MYO1A: variants seen among roughly 807,000 people sequenced by gnomAD.
MYO1A encodes the protein unconventional myosin-Ia.
MYO1A carries 127 observed loss-of-function variants against 138.5 expected under a neutral mutation model. The ratio of observed to expected loss-of-function variants is 0.92; its 90% CI spans 0.79 to 1.06. The LOEUF is 1.06. MYO1A is among the 50% of genes least tolerant of loss of function. MYO1A has a pLI of 0.00. For missense variants in MYO1A, 1,211 were observed against 1,288.8 expected (o/e 0.94, Z 0.92); for synonymous variants, 477 against 497.5 (o/e 0.96, Z 0.55).
intron 22 of MYO1A, among the ~76,000 whole-genome samples, chr12:57,032,096 G>A (rs1393059735): frequency 1.3e-5 from 2 of 152,210 alleles, no homozygotes; most frequent in African/African-American, 4.8e-5. Context: ...GCCAACCTGG[G>A]AGATCAGCTC....
chr12:57,029,018 T>C, intron 27 of MYO1A, 114 bp downstream of exon 27: 1 of 1,598,426 alleles, frequency 6.3e-7, no homozygotes, highest in South Asian at 1.1e-5. Flanking sequence ...GAGAAACACC[T>C]CCAAGCCCCG....
chr12:57,046,460 C>T, intron 8 of MYO1A, 92 bp downstream of exon 8: 1 of 964,366 alleles, frequency 1.0e-6, no homozygotes, highest in East Asian at 2.4e-5. Context: ...GCTGTAGGGG[C>T]CCAGAGGGAA....
At position 57,048,053 on chromosome 12, in the gene MYO1A, T is replaced by C. The variant is rs1332428434; in HGVS notation, c.166A>G (p.Ile56Val). The part of the protein sequence containing the change: ...ISVNPYQQLP[I>V]YGPEFIAKYQ... ...TTGGCAATGAACTCTGGCCCATAGA[T>C]GGGAAGCTGTTGATAGGGATTCACT... is the stretch of plus-strand genomic sequence containing the variant. Residue 56 changes from isoleucine to valine, a missense_variant, in exon 3 of 28, where the codon ATC becomes GTC. Transcript: ENST00000300119. 6.2e-7 allele frequency: 1 copy of C among 1,614,036 alleles called. No individual in the cohort carries two copies. Among genetic ancestry groups the C allele is most frequent in the Non-Finnish European group, 8.5e-7 (1 of 1,180,030 alleles).
intron 8 of MYO1A, among the ~76,000 whole-genome samples, chr12:57,046,063 G>A (rs2031079938): frequency 6.6e-6 from 1 of 152,192 alleles, no homozygotes; most frequent in Admixed American, 6.5e-5. Flanking sequence ...ATGAGTGAAT[G>A]AATGAATGAA....
intron 1 of MYO1A, among the ~76,000 whole-genome samples, chr12:57,049,307 G>A (rs188384486): frequency 2.0e-5 from 3 of 152,324 alleles, no homozygotes; most frequent in Non-Finnish European, 4.4e-5. Context: ...CCAGGCACAG[G>A]ACAGGATTAT....
chr12:57,037,510 T>A, intron 19 of MYO1A, 38 bp downstream of exon 19: 1 of 1,589,682 alleles, frequency 6.3e-7, no homozygotes, highest in East Asian at 2.2e-5. Context: ...TCTTCCACCT[T>A]CTACCCTCAC....
rs368499959 is a variant in MYO1A, at chr12:57,037,604, A to T, written c.1999T>A (p.Ser667Thr). The T allele has an allele frequency of 5.6e-6, 9 of 1,614,008 alleles. No individual in the cohort carries two copies. The highest frequency in any genetic ancestry group is 7.6e-6 in the Non-Finnish European group (9 of 1,180,036). The change falls in exon 19 of 28, where the codon TCC becomes ACC. Residue 667 changes from serine to threonine, a missense_variant. Physicochemically the swap from Ser to Thr is moderately conservative, Grantham distance 58. Transcript: ENST00000300119. ...VEKVLGELSM[S>T]SGELAFGKTK... Reference sequence around the variant, plus strand: ...TTGCCAAAGGCCAGCTCCCCCGAGGACATGCTCAGCTCCCCCAGGACCTTC... The same window carrying T: ...TTGCCAAAGGCCAGCTCCCCCGAGGTCATGCTCAGCTCCCCCAGGACCTTC...
At chr12:57,043,771 A>G (rs1407968094) in intron 10 of MYO1A, 85 bp downstream of exon 10, 30 of 1,579,958 alleles carry the variant, frequency 1.9e-5, no homozygotes, top group Admixed American at 3.4e-5. Flanking sequence ...GGTGAGATCA[A>G]TTATGCTAGA....
chr12:57,045,090 A>C lies in MYO1A; in HGVS notation c.641-881T>G, dbSNP rs114977101. ...CACTGGTGAATCTATATCCCAGCCC[A>C]TATCATATGGGCTAGGTTTTGTTTT... On this transcript the variant is annotated intron_variant, in intron 8 of 27. Transcript: ENST00000300119. Among the ~76,000 whole-genome samples the C allele has an allele frequency of 1.5e-3, 230 of 152,298 alleles. 1 individual carries two copies. Among genetic ancestry groups the C allele is most frequent in the African/African-American group, 5.4e-3 (224 of 41,554 alleles).
rs778847859 is a variant in MYO1A at position 57,038,480 on chromosome 12, C to T, written c.1692G>A (p.Gly564=). The T allele has an allele frequency of 2.5e-6, 4 of 1,614,072 alleles. No individual in the cohort carries two copies. The South Asian group carries it at 3.3e-5, about 13-fold the overall frequency. Residue 564 remains glycine, a synonymous_variant, in exon 17 of 28, where the codon GGG becomes GGA. Transcript: ENST00000300119. ...TGGCCACAGAACTCTTGAACTGGGC[C>T]CCAGCAGTCGGGGGGCGTTTGAGAG... ...QASLKRPPTA[G]AQFKSSVAIL...
intron 3 of MYO1A, 80 bp from the exon 4 acceptor site, chr12:57,047,801 T>A: frequency 6.3e-7 from 1 of 1,585,220 alleles, no homozygotes; most frequent in Non-Finnish European, 8.6e-7. Flanking sequence ...AGCACGCAGG[T>A]TCATCCACTC....
intron 22 of MYO1A, among the ~76,000 whole-genome samples, chr12:57,035,218 T>G (rs1342844079): frequency 6.6e-6 from 1 of 152,020 alleles, no homozygotes; most frequent in African/African-American, 2.4e-5. Context: ...AGTCAGGAGA[T>G]AACAGCAAAA....
At position 57,043,952 on chromosome 12, in the gene MYO1A, C is replaced by G. The variant is rs147114250; in HGVS notation, c.796G>C (p.Glu266Gln). 594 of 1,614,056 alleles carry G rather than the reference C, an allele frequency of 3.7e-4. No individual in the cohort carries two copies. Among genetic ancestry groups the G allele is most frequent in the Non-Finnish European group, 4.7e-4 (552 of 1,180,032 alleles). ...AGCTTTAGCACCATGGATGTCACCT[C>G]TAGCACTTGTCGAATCTCCTCCTCC... Reference protein sequence around the residue: ...FSEEEIRQVLEVTSMVLKLGN... With the variant: ...FSEEEIRQVLQVTSMVLKLGN... Residue 266 changes from glutamate to glutamine, a missense_variant, in exon 10 of 28, where the codon GAG becomes CAG. Coordinates refer to ENST00000300119, the MANE Select transcript of MYO1A (RefSeq NM_005379.4).
At position 57,038,491 on chromosome 12, in the gene MYO1A, G is replaced by A; in HGVS notation, c.1681C>T (p.Pro561Ser). 1 of 1,614,230 alleles carries A rather than the reference G, an allele frequency of 6.2e-7. No individual in the cohort carries two copies. Among genetic ancestry groups the A allele is most frequent in the Non-Finnish European group, 8.5e-7 (1 of 1,180,046 alleles). Residue 561 changes from proline to serine, a missense_variant, in exon 17 of 28, where the codon CCG (proline) becomes TCG (serine). Physicochemically the swap from Pro to Ser is moderately conservative, Grantham distance 74. Transcript: ENST00000300119. ...NPKQASLKRP[P>S]TAGAQFKSSV... ...CTCTTGAACTGGGCCCCAGCAGTCGGGGGGCGTTTGAGAGATGCCTGCTTA... is the reference window on the plus strand; with the variant it reads ...CTCTTGAACTGGGCCCCAGCAGTCGAGGGGCGTTTGAGAGATGCCTGCTTA...
chr12:57,041,656 CA>C (rs2030866200), intron 12 of MYO1A, among the ~76,000 whole-genome samples, 159 bp from the exon 13 acceptor site: 2 of 152,140 alleles, frequency 1.3e-5, no homozygotes, highest in African/African-American at 4.8e-5. Flanking sequence ...CCCTCCTCCA[CA>C]CACTAGAGAA....
rs1484380102 is a variant in MYO1A at position 57,037,616 on chromosome 12, C to T, written c.1987G>A (p.Glu663Lys). Residue 663 changes from glutamate to lysine, a missense_variant, in exon 19 of 28, where the codon GAG (glutamate) becomes AAG (lysine). Glu to Lys is a moderately conservative substitution (Grantham distance 56, BLOSUM62 1). Coordinates refer to ENST00000300119, the MANE Select transcript of MYO1A (RefSeq NM_005379.4). ...AGCTCCCCCGAGGACATGCTCAGCTCCCCCAGGACCTTCTCAACACCTTCC... is the reference window on the plus strand; with the variant it reads ...AGCTCCCCCGAGGACATGCTCAGCTTCCCCAGGACCTTCTCAACACCTTCC... ...DREGVEKVLG[E>K]LSMSSGELAF... 1.2e-5 allele frequency: 19 copies of T among 1,614,002 alleles called. No homozygotes were observed. The highest frequency in any genetic ancestry group is 3.3e-5 in the Admixed American group (2 of 60,002).
Position 57,028,962 on chromosome 12 carries a change from T to A in MYO1A, c.3006-81A>T, listed in dbSNP as rs949754484. On this transcript the variant is annotated intron_variant, in intron 27 of 27. Coordinates refer to ENST00000300119, the MANE Select transcript of MYO1A (RefSeq NM_005379.4). Reference sequence around the variant, plus strand: ...CATTTCCATGATGGCCCCCCCATCATGCGAGTCAGAGGACTTGAGGCCCCA... The same window carrying A: ...CATTTCCATGATGGCCCCCCCATCAAGCGAGTCAGAGGACTTGAGGCCCCA... 4 of 1,598,308 alleles carry A rather than the reference T, an allele frequency of 2.5e-6. No individual in the cohort carries two copies. In the African/African-American group the frequency reaches 5.4e-5, roughly 21 times the overall value.
intron 8 of MYO1A, 58 bp downstream of exon 8, chr12:57,046,494 G>T: frequency 7.5e-7 from 1 of 1,333,652 alleles, no homozygotes; most frequent in African/African-American, 1.4e-5. Flanking sequence ...ACTGAATGGA[G>T]GTTGGGGACT....
At chr12:57,047,475 G>T (rs969003542) in intron 4 of MYO1A, 68 bp from the exon 5 acceptor site, 1 of 1,538,524 alleles carries the variant, frequency 6.5e-7, no homozygotes, top group Non-Finnish European at 9.0e-7. Context: ...TCCTTAACTT[G>T]CTTCACCCCA....
Sources: allele counts gnomAD v4.1 joint callset (sites outside exome capture counted in the v4.1 genomes callset), GRCh38; gene constraint gnomAD v4.1.1; transcripts MANE v1.5; gene names NCBI Gene and HGNC (gene_info 2026-07-23, HGNC 2026-07-21).